The following GOLGA3 variants were observed in gnomAD, a reference collection of about 807,000 sequenced individuals.
GOLGA3 encodes golgin A3, also known as golgin subfamily A member 3.
GOLGA3 carries 75 observed loss-of-function variants against 169.4 expected under a neutral mutation model. The ratio of observed to expected loss-of-function variants is 0.44; its 90% CI spans 0.37 to 0.54. The LOEUF (loss-of-function observed/expected upper bound fraction) is 0.54. Among genes scored for constraint, GOLGA3 ranks in the 20% least tolerant of loss-of-function variants. The pLI is 0.00. For synonymous variants in GOLGA3, 824 were observed against 822.4 expected (o/e 1.00, Z -0.03); for missense variants, 1,899 against 1,930.0 (o/e 0.98, Z 0.30).
rs2045136565 is a variant in GOLGA3 at position 132,774,902 on chromosome 12, A to G, written c.4143+239T>C. 4 of 554,434 alleles carry G rather than the reference A, an allele frequency of 7.2e-6. No individual in the cohort carries two copies. The East Asian group carries it at 1.2e-4, about 17-fold the overall frequency. The allele number at this position is 554,434 out of a possible 1,614,324, so 34.3% of individuals were successfully genotyped here. On this transcript the variant is annotated intron_variant, in intron 22 of 23. Coordinates refer to ENST00000450791, the MANE Select transcript of GOLGA3 (RefSeq NM_001389683.1). ...AGACCACCGCTCATCTGCTTTACAAAGCACATTACAACAAAGTGGTATTTG... is the reference window on the plus strand; with the variant it reads ...AGACCACCGCTCATCTGCTTTACAAGGCACATTACAACAAAGTGGTATTTG...
Position 132,816,726 on chromosome 12 carries a change from G to T in GOLGA3, c.220C>A (p.Pro74Thr), listed in dbSNP as rs759958289. 1 of 1,613,954 alleles carries T rather than the reference G, an allele frequency of 6.2e-7. No homozygotes were observed. The highest frequency in any genetic ancestry group is 1.3e-5 in the African/African-American group (1 of 74,920). The change falls in exon 3 of 24, where the codon CCC becomes ACC. Residue 74 changes from proline (P) to threonine (T), a missense_variant. Physicochemically the swap from Pro to Thr is conservative, Grantham distance 38. Transcript: ENST00000450791. ...AGAGACGACGGAGGGTCTGGGAAGGGTGGCGTTGGCCCGTTCTGACAGAGG... is the reference window on the plus strand; with the variant it reads ...AGAGACGACGGAGGGTCTGGGAAGGTTGGCGTTGGCCCGTTCTGACAGAGG... ...GGLCQNGPTP[P>T]FPDPPSSLDP...
At chr12:132,773,549 C>G (rs1262134547) in intron 23 of GOLGA3, among the ~76,000 whole-genome samples, 1 of 152,252 alleles carries the variant, frequency 6.6e-6, no homozygotes, top group Non-Finnish European at 1.5e-5. Context: ...CACACGACTT[C>G]CACTCCGTTA....
At chr12:132,801,473 C>A (rs1379123747) in intron 8 of GOLGA3, among the ~76,000 whole-genome samples, 1 of 152,090 alleles carries the variant, frequency 6.6e-6, no homozygotes, top group African/African-American at 2.4e-5. Flanking sequence ...TCCCGAGACC[C>A]AGGCAAATGA....
rs551354662 is a variant in GOLGA3, at chr12:132,802,118, C to T, written c.1598-149G>A. ...TTCCCCATAGCTGACTCCATGAAGT[C>T]GCCGTGAACACGGCATTAGTGGGCG... On this transcript the variant is annotated intron_variant, in intron 7 of 23. Transcript: ENST00000450791. 2.9e-5 allele frequency: 19 copies of T among 650,636 alleles called. 1 individual carries two copies. The highest frequency in any genetic ancestry group is 2.0e-4 in the African/African-American group (11 of 55,320). 40.3% of individuals were successfully genotyped at this position (650,636 alleles called of 1,614,324 possible). A position where few individuals can be genotyped will look rare whatever the true frequency, so the allele number is the denominator to read the frequency against.
rs1244888551 is a variant in GOLGA3 at position 132,822,259 on chromosome 12, A to C, written c.-131T>G. ...TACTGTGTCTCCCATTTTCAGGAGA[A>C]GATCTGATGACTCACAAATGACTTG... On this transcript the variant is annotated 5_prime_UTR_variant, in exon 2 of 24. Transcript: ENST00000450791. The C allele has an allele frequency of 4.3e-6, 6 of 1,408,954 alleles. No homozygotes were observed. In the African/African-American group the frequency reaches 7.6e-5, roughly 18 times the overall value. 87.3% of individuals were successfully genotyped at this position (1,408,954 alleles called of 1,614,324 possible). A position where few individuals can be genotyped will look rare whatever the true frequency, so the allele number is the denominator to read the frequency against.
intron 15 of GOLGA3, 95 bp from the exon 16 acceptor site, chr12:132,784,402 C>T (rs1254115678): frequency 2.9e-6 from 3 of 1,049,576 alleles, no homozygotes; most frequent in Non-Finnish European, 4.2e-6. Flanking sequence ...TGTGTGGCTG[C>T]ACACACCAGA....
At chr12:132,774,367 G>A (rs781561775) in intron 22 of GOLGA3, 47 bp from the exon 23 acceptor site, 119 of 1,600,140 alleles carry the variant, frequency 7.4e-5, no homozygotes, top group Non-Finnish European at 9.3e-5. Flanking sequence ...CCCCTCCCTC[G>A]GGTCAGTCTC....
rs760947287 is a variant in GOLGA3, at chr12:132,822,023, G to A, written c.106C>T (p.Pro36Ser). ...TGGACTTTGTCCTGCTGGTCAGGTG[G>A]CACCAGTGGGCCCGGGGGCTTCAGT... The part of the protein sequence containing the change: ...APLKPPGPLV[P>S]PDQQDKVQCA... The change falls in exon 2 of 24, where the codon CCA becomes TCA. Residue 36 changes from proline (P) to serine (S), a missense_variant. Coordinates refer to ENST00000450791, the MANE Select transcript of GOLGA3 (RefSeq NM_001389683.1). The A allele has an allele frequency of 2.5e-6, 4 of 1,609,334 alleles. No individual in the cohort carries two copies. The highest frequency in any genetic ancestry group is 2.2e-5 in the South Asian group (2 of 90,724).
chr12:132,796,493 G>A (rs762871951), intron 10 of GOLGA3, 46 bp downstream of exon 10: 4 of 1,573,294 alleles, frequency 2.5e-6, no homozygotes, highest in Non-Finnish European at 3.4e-6. Flanking sequence ...GGCTGCTCGG[G>A]ATCACCTGGG....
chr12:132,799,094 C>G (rs986910135), intron 8 of GOLGA3, among the ~76,000 whole-genome samples: 17 of 152,212 alleles, frequency 1.1e-4, no homozygotes, highest in Non-Finnish European at 2.1e-4. Context: ...CCCGCATCGC[C>G]TCTAGCTCCA....
At chr12:132,794,266 G>C (rs1413850600) in intron 11 of GOLGA3, among the ~76,000 whole-genome samples, 1 of 151,844 alleles carries the variant, frequency 6.6e-6, no homozygotes, top group Non-Finnish European at 1.5e-5. Context: ...AGGCTGAGGC[G>C]GGCAGTTCAC....
chr12:132,826,308 C>T (rs1950415300), intron 1 of GOLGA3: 1 of 742,936 alleles, frequency 1.3e-6, no homozygotes, highest in Non-Finnish European at 2.1e-6. Flanking sequence ...GCACCACCAC[C>T]TGAACAGAAG....
intron 12 of GOLGA3, among the ~76,000 whole-genome samples, chr12:132,790,984 G>A (rs1398869313): frequency 7.2e-6 from 1 of 139,696 alleles, no homozygotes; most frequent in Non-Finnish European, 1.5e-5. Flanking sequence ...CCGGGAGGCA[G>A]AGCTTGCAGT....
At position 132,779,959 on chromosome 12, in the gene GOLGA3, CACA is replaced by C. The variant is rs2045482354; in HGVS notation, c.3582+836_3582+838del. Among the ~76,000 whole-genome samples the C allele has an allele frequency of 1.5e-5, 2 of 134,930 alleles. 1 individual carries two copies. The highest frequency in any genetic ancestry group is 5.0e-4 in the South Asian group (2 of 4,006). The allele number at this position is 134,930 out of a possible 152,430, so 88.5% of individuals were successfully genotyped here. A position where few individuals can be genotyped will look rare whatever the true frequency, so the allele number is the denominator to read the frequency against. On this transcript the variant is annotated intron_variant, in intron 18 of 23. Coordinates refer to ENST00000450791, the MANE Select transcript of GOLGA3 (RefSeq NM_001389683.1). ...CAGGCACACACGCGTATACAGACAT[CACA>C]ACCCTTCCACGCACAGCCCGCGTGC...
rs1949317174 is a variant in GOLGA3 at position 132,804,962 on chromosome 12, C to T, written c.1351G>A (p.Ala451Thr). ...QLAALSTKLQ[A>T]QVECSHSSQQ... Reference sequence around the variant, plus strand: ...CTGCTGTGGCTGCACTCCACCTGCGCCTGCAGCTTCGTGCTGAGGGCGGCC... The same window carrying T: ...CTGCTGTGGCTGCACTCCACCTGCGTCTGCAGCTTCGTGCTGAGGGCGGCC... Residue 451 changes from alanine to threonine, a missense_variant, in exon 7 of 24, where the codon GCG becomes ACG. By Grantham distance (58) the Ala-to-Thr change is moderately conservative. Coordinates refer to ENST00000450791, the MANE Select transcript of GOLGA3 (RefSeq NM_001389683.1). This position sits in a 1 kb window ranked among gnomAD's most constrained non-coding sequence, Gnocchi z 4.1. 6.2e-7 allele frequency: 1 copy of T among 1,613,122 alleles called. No individual in the cohort carries two copies.
intron 7 of GOLGA3, among the ~76,000 whole-genome samples, chr12:132,803,232 T>G (rs191417479): frequency 2.6e-4 from 39 of 152,264 alleles, no homozygotes; most frequent in African/African-American, 9.1e-4. Context: ...TATCCTGCCC[T>G]CCTCAGCGGG....
At chr12:132,828,889 T>A (rs1237300115), upstream of GOLGA3, 2 of 152,248 alleles carry the variant, frequency 1.3e-5, no homozygotes, top group African/African-American at 2.4e-5. Context: ...GAGCGGTGCA[T>A]CGGCCTCGGG....
intron 4 of GOLGA3, among the ~76,000 whole-genome samples, chr12:132,810,339 G>A (rs1269017761): frequency 6.6e-6 from 1 of 152,126 alleles, no homozygotes; most frequent in Non-Finnish European, 1.5e-5. Flanking sequence ...GCCCACATCT[G>A]CTTGCACGTG....
At chr12:132,811,734 T>G (rs963084534) in intron 4 of GOLGA3, 20 of 196,968 alleles carry the variant, frequency 1.0e-4, no homozygotes, top group African/African-American at 4.3e-4. Flanking sequence ...AGTGCTGGGA[T>G]TATAGGTGTG....
Sources: gnomAD v4.1 joint callset for allele counts (sites outside exome capture counted in the v4.1 genomes callset) on GRCh38, gnomAD v4.1.1 for gene constraint, Gnocchi (gnomAD v3.1) non-coding constraint, MANE v1.5 for transcripts, NCBI Gene and HGNC (gene_info 2026-07-23, HGNC 2026-07-21) for gene names.